Variants in PIGK observed in about 807,000 individuals in gnomAD.
The protein encoded by PIGK is phosphatidylinositol glycan anchor biosynthesis class K.
A neutral mutation model predicts 50.6 loss-of-function variants in PIGK; 42 were observed. The ratio of observed to expected loss-of-function variants is 0.83; its 90% CI spans 0.65 to 1.07. The LOEUF is 1.07. PIGK is among the 50% of genes least tolerant of loss of function. PIGK has a pLI of 0.00. For missense variants in PIGK, 448 were observed against 488.7 expected (o/e 0.92, Z 0.78); for synonymous variants, 151 against 156.0 (o/e 0.97, Z 0.24).
At chr1:77,118,994 A>C (rs1379899857) in intron 10 of PIGK, among the ~76,000 whole-genome samples, 12 of 152,166 alleles carry the variant, frequency 7.9e-5, no homozygotes, top group Non-Finnish European at 1.6e-4. Context: ...GGAATCCATA[A>C]AGTTTGAAAT....
chr1:77,208,364 A>G (rs1656339768), intron 2 of PIGK, among the ~76,000 whole-genome samples: 1 of 152,090 alleles, frequency 6.6e-6, no homozygotes, highest in African/African-American at 2.4e-5. Flanking sequence ...TTCATCTTTT[A>G]TTTTTTACCA....
intron 3 of PIGK, among the ~76,000 whole-genome samples, chr1:77,202,277 C>T (rs1414139461): frequency 6.6e-6 from 1 of 152,130 alleles, no homozygotes; most frequent in Non-Finnish European, 1.5e-5. Flanking sequence ...GTGAGAAATA[C>T]ATAGTATAAC....
At chr1:77,100,146 G>C (rs1653509472) in intron 10 of PIGK, among the ~76,000 whole-genome samples, 1 of 152,020 alleles carries the variant, frequency 6.6e-6, no homozygotes, top group African/African-American at 2.4e-5. Context: ...AAAAAACTTA[G>C]GATTTTGAAA....
chr1:77,107,531 A>C (rs1021997742), intron 10 of PIGK, among the ~76,000 whole-genome samples: 4 of 152,156 alleles, frequency 2.6e-5, no homozygotes, highest in African/African-American at 9.7e-5. Flanking sequence ...TGTTGGAATA[A>C]GTGCGATGTG....
intron 9 of PIGK, among the ~76,000 whole-genome samples, chr1:77,132,816 TGA>T: frequency 6.6e-6 from 1 of 152,224 alleles, no homozygotes; most frequent in African/African-American, 2.4e-5. Context: ...GTGTAGAGAA[TGA>T]TAGGTTAAAA....
At chr1:77,164,398 T>C (rs754823627) in intron 5 of PIGK, among the ~76,000 whole-genome samples, 12 of 152,196 alleles carry the variant, frequency 7.9e-5, no homozygotes, top group African/African-American at 2.7e-4. Context: ...AACTATGCCA[T>C]GTTAGTTTAG....
At chr1:77,116,329 G>A (rs549512817) in intron 10 of PIGK, among the ~76,000 whole-genome samples, 5 of 151,954 alleles carry the variant, frequency 3.3e-5, no homozygotes, top group African/African-American at 1.2e-4. Context: ...GACTACAGGC[G>A]CCCACCACCA....
At chr1:77,177,068 G>T (rs968825580) in intron 3 of PIGK, among the ~76,000 whole-genome samples, 27 of 152,128 alleles carry the variant, frequency 1.8e-4, no homozygotes, top group African/African-American at 4.6e-4. Flanking sequence ...TTTATAAAGG[G>T]ATTTCATTCA....
chr1:77,213,257 C>G (rs899934150), intron 1 of PIGK, among the ~76,000 whole-genome samples: 4 of 152,172 alleles, frequency 2.6e-5, no homozygotes, highest in African/African-American at 9.7e-5. Flanking sequence ...TGGCAGATTA[C>G]ACATTCTTCT....
intron 3 of PIGK, among the ~76,000 whole-genome samples, chr1:77,202,175 G>A (rs1231923017): frequency 3.9e-5 from 6 of 152,056 alleles, no homozygotes; most frequent in African/African-American, 7.2e-5. Flanking sequence ...TTCCTTTCTC[G>A]TCTAGACTAA....
chr1:77,151,503 T>G (rs1310257843), intron 9 of PIGK, among the ~76,000 whole-genome samples: 1 of 152,068 alleles, frequency 6.6e-6, no homozygotes, highest in African/African-American at 2.4e-5. Context: ...CCAGAGCAAT[T>G]AGGCAAGAGA....
intron 9 of PIGK, among the ~76,000 whole-genome samples, chr1:77,137,048 A>C (rs1654534615): frequency 6.6e-6 from 1 of 152,136 alleles, no homozygotes; most frequent in Non-Finnish European, 1.5e-5. Context: ...CAGCCCTTGA[A>C]TTTTACTTGG....
rs763271957 is a variant in PIGK, at chr1:77,219,416, A to G, written c.-14T>C. The G allele has an allele frequency of 1.2e-6, 2 of 1,610,876 alleles. No homozygotes were observed. The highest frequency in any genetic ancestry group is 1.7e-6 in the Non-Finnish European group (2 of 1,177,946). ...GGTGACGGCCATGTTTACCGGCTTCAGACTTCCCGCACCTGAAGGGGCGGA... is the reference window on the plus strand; with the variant it reads ...GGTGACGGCCATGTTTACCGGCTTCGGACTTCCCGCACCTGAAGGGGCGGA... On this transcript the variant is annotated 5_prime_UTR_variant, in exon 1 of 11. Coordinates refer to ENST00000370812, the MANE Select transcript of PIGK (RefSeq NM_005482.3).
At position 77,089,342 on chromosome 1, in the gene PIGK, T is replaced by C. The variant is rs1386736185; in HGVS notation, c.*3032A>G. Reference sequence around the variant, plus strand: ...TCTTTAAAGCAAAAATGGATACTGATCTCATTGTTTTATAGCCATATCTTG... The same window carrying C: ...TCTTTAAAGCAAAAATGGATACTGACCTCATTGTTTTATAGCCATATCTTG... On this transcript the variant is annotated 3_prime_UTR_variant, in exon 11 of 11. Coordinates refer to ENST00000370812, the MANE Select transcript of PIGK (RefSeq NM_005482.3). 6.6e-6 allele frequency: 1 copy of C among 152,230 alleles called. No individual in the cohort carries two copies. Among genetic ancestry groups the C allele is most frequent in the Admixed American group, 6.5e-5 (1 of 15,290 alleles). 9.4% of individuals were successfully genotyped at this position (152,230 alleles called of 1,614,324 possible).
At chr1:77,212,513 A>G (rs138791960) in intron 1 of PIGK, among the ~76,000 whole-genome samples, 205 of 152,320 alleles carry the variant, frequency 1.3e-3, no homozygotes, top group Non-Finnish European at 2.4e-3. Flanking sequence ...ACCTGTGTGT[A>G]CAAGCACACA....
chr1:77,162,380 G>A (rs1442921270), intron 6 of PIGK, among the ~76,000 whole-genome samples: 1 of 152,100 alleles, frequency 6.6e-6, no homozygotes, highest in Non-Finnish European at 1.5e-5. Context: ...AGAGAGAAAA[G>A]CACATAATGT....
At chr1:77,156,444 A>G (rs1039796304) in intron 8 of PIGK, among the ~76,000 whole-genome samples, 3 of 152,148 alleles carry the variant, frequency 2.0e-5, no homozygotes, top group Admixed American at 6.6e-5. Context: ...TACTCAGTTT[A>G]ATTTTCAATA....
chr1:77,189,620 C>G (rs1655835976), intron 3 of PIGK, among the ~76,000 whole-genome samples: 1 of 150,406 alleles, frequency 6.6e-6, no homozygotes, highest in Non-Finnish European at 1.5e-5. Context: ...GGGACTTGGA[C>G]TGGTTCTCCT....
chr1:77,134,718 C>T (rs978623352), intron 9 of PIGK, among the ~76,000 whole-genome samples: 3 of 152,074 alleles, frequency 2.0e-5, no homozygotes, highest in Non-Finnish European at 1.5e-5. Context: ...TTTAAAAATA[C>T]GATTTAATCT....
Sources: gnomAD v4.1 joint callset for allele counts (sites outside exome capture counted in the v4.1 genomes callset) on GRCh38, gnomAD v4.1.1 for gene constraint, MANE v1.5 for transcripts, NCBI Gene and HGNC (gene_info 2026-07-23, HGNC 2026-07-21) for gene names.